Variants in FBXL17 observed in about 807,000 individuals in gnomAD.
FBXL17 encodes the protein F-box and leucine rich repeat protein 17, also known as F-box/LRR-repeat protein 17.
In FBXL17, 22 loss-of-function variants were observed where a neutral mutation model predicts 66.2. That is an observed-to-expected ratio of 0.33 (90% confidence interval 0.24 to 0.47). The LOEUF is 0.47. FBXL17 is among the 20% of genes least tolerant of loss of function. FBXL17 has a pLI of 1.00. For missense variants in FBXL17, 878 were observed against 948.2 expected, an observed-to-expected ratio of 0.93 and a Z score of 0.97; for synonymous variants, 474 against 400.5, an observed-to-expected ratio of 1.18 and a Z score of -2.19.
chr5:108,376,389 C>T (rs774580022), intron 1 of FBXL17, among the ~76,000 whole-genome samples: 5 of 152,108 alleles, frequency 3.3e-5, no homozygotes, highest in Non-Finnish European at 5.9e-5. Context: ...AGAGAATAAA[C>T]ACAAAAATTA....
intron 6 of FBXL17, among the ~76,000 whole-genome samples, chr5:108,094,705 G>T (rs1357136151): frequency 6.6e-6 from 1 of 151,962 alleles, no homozygotes; most frequent in East Asian, 1.9e-4. Context: ...AATCTGCAAA[G>T]GGCCCCCATA....
intron 6 of FBXL17, among the ~76,000 whole-genome samples, chr5:108,123,455 A>C (rs147352787): frequency 9.8e-5 from 15 of 152,314 alleles, no homozygotes; most frequent in African/African-American, 3.6e-4. Context: ...CACTGTGGGC[A>C]CTGAAATATA....
intron 4 of FBXL17, among the ~76,000 whole-genome samples, chr5:108,328,540 T>G (rs1759969914): frequency 6.6e-6 from 1 of 152,042 alleles, no homozygotes; most frequent in Non-Finnish European, 1.5e-5. Context: ...AATGAAGTCT[T>G]GTAGAAGAGA....
chr5:107,888,079 C>T (rs1390607097), intron 7 of FBXL17, among the ~76,000 whole-genome samples: 1 of 152,092 alleles, frequency 6.6e-6, no homozygotes, highest in African/African-American at 2.4e-5. Flanking sequence ...TATATTCTTC[C>T]TATTATCTAT....
At chr5:108,164,520 G>A (rs1752337362) in intron 6 of FBXL17, among the ~76,000 whole-genome samples, 1 of 151,808 alleles carries the variant, frequency 6.6e-6, no homozygotes, top group Non-Finnish European at 1.5e-5. Flanking sequence ...TGAACACTGT[G>A]GTGGTAATGT....
chr5:108,011,112 T>C (rs892447342), intron 7 of FBXL17, among the ~76,000 whole-genome samples: 2 of 152,232 alleles, frequency 1.3e-5, no homozygotes, highest in Non-Finnish European at 2.9e-5. Context: ...GTTTTGAGTG[T>C]TACTCTCACT....
chr5:108,380,409 C>T (rs1299327612), intron 1 of FBXL17, among the ~76,000 whole-genome samples: 1 of 152,144 alleles, frequency 6.6e-6, no homozygotes, highest in African/African-American at 2.4e-5. Context: ...CACAGAATAC[C>T]TGCGAAGTTT....
intron 7 of FBXL17, among the ~76,000 whole-genome samples, chr5:107,941,638 C>T (rs767827609): frequency 1.3e-5 from 2 of 152,156 alleles, no homozygotes; most frequent in Non-Finnish European, 2.9e-5. Flanking sequence ...GTTCCATTAA[C>T]ACAAGACTTG....
chr5:108,351,159 AAAC>A (rs1198647657), intron 3 of FBXL17, among the ~76,000 whole-genome samples: 2 of 152,210 alleles, frequency 1.3e-5, no homozygotes, highest in African/African-American at 2.4e-5. Context: ...ATTCCAATGA[AAAC>A]AAAATGCTTT....
Position 108,020,944 on chromosome 5 carries a change from G to A in FBXL17, c.1803C>T (p.Ser601=). The A allele has an allele frequency of 6.2e-7, 1 of 1,609,196 alleles. No homozygotes were observed. The highest frequency in any genetic ancestry group is 8.5e-7 in the Non-Finnish European group (1 of 1,176,324). The change falls in exon 7 of 9, where the codon TCC becomes TCT. Residue 601 remains serine (S), a synonymous_variant. Coordinates refer to ENST00000542267, the MANE Select transcript of FBXL17 (RefSeq NM_001163315.3). The part of the protein sequence containing the change: ...GQNLKELYLV[S]CKITDYALIA... ...ACCTACCATAATCTGTGATTTTACA[G>A]GACACCAAATATAGCTCTTTCAGGT... is the stretch of plus-strand genomic sequence containing the variant.
chr5:108,230,069 A>G (rs1256000334), intron 4 of FBXL17, among the ~76,000 whole-genome samples: 2 of 152,166 alleles, frequency 1.3e-5, no homozygotes, highest in East Asian at 3.8e-4. Flanking sequence ...TCAAAAAGTA[A>G]TAGATGTTGG....
At chr5:108,015,001 C>A (rs536090586) in intron 7 of FBXL17, among the ~76,000 whole-genome samples, 3 of 152,284 alleles carry the variant, frequency 2.0e-5, no homozygotes, top group South Asian at 4.2e-4. Context: ...ATTCAACTAT[C>A]TCCCATTGGG....
intron 1 of FBXL17, among the ~76,000 whole-genome samples, chr5:108,374,145 A>G (rs962527122): frequency 7.2e-5 from 11 of 152,224 alleles, no homozygotes; most frequent in African/African-American, 2.7e-4. Context: ...TGGATAGAAC[A>G]ACCAGACAAG....
At chr5:108,306,712 A>T (rs1758857881) in intron 4 of FBXL17, among the ~76,000 whole-genome samples, 1 of 151,990 alleles carries the variant, frequency 6.6e-6, no homozygotes, top group South Asian at 2.1e-4. Flanking sequence ...AAGACAGGGG[A>T]TAGCATTTTT....
chr5:108,218,412 T>C (rs191072084), intron 5 of FBXL17, among the ~76,000 whole-genome samples: 7 of 152,336 alleles, frequency 4.6e-5, no homozygotes, highest in Admixed American at 1.3e-4. Context: ...CTCTTCAACA[T>C]ACTGATTTTA....
intron 6 of FBXL17, among the ~76,000 whole-genome samples, chr5:108,157,912 T>C (rs1162610092): frequency 6.6e-6 from 1 of 152,092 alleles, no homozygotes; most frequent in Non-Finnish European, 1.5e-5. Context: ...TTTTATTTCA[T>C]TTAATGTGTC....
chr5:108,319,907 T>C (rs1446551556), intron 4 of FBXL17, among the ~76,000 whole-genome samples: 3 of 151,760 alleles, frequency 2.0e-5, no homozygotes, highest in Non-Finnish European at 4.4e-5. Flanking sequence ...TATCAAAATA[T>C]GAGGTGAAAC....
At chr5:108,304,206 T>G (rs543085377) in intron 4 of FBXL17, among the ~76,000 whole-genome samples, 1 of 152,150 alleles carries the variant, frequency 6.6e-6, no homozygotes, top group South Asian at 2.1e-4. Flanking sequence ...TATGAAAATT[T>G]TTATCTACTA....
intron 7 of FBXL17, among the ~76,000 whole-genome samples, chr5:107,901,515 C>A (rs1191934219): frequency 6.6e-6 from 1 of 152,160 alleles, no homozygotes; most frequent in Non-Finnish European, 1.5e-5. Flanking sequence ...TACTAAACCC[C>A]AATGCCTAAC....
Sources: allele counts gnomAD v4.1 joint callset (sites outside exome capture counted in the v4.1 genomes callset), GRCh38; gene constraint gnomAD v4.1.1; transcripts MANE v1.5; gene names NCBI Gene and HGNC (gene_info 2026-07-23, HGNC 2026-07-21).